The following RAB38 variants were observed in gnomAD, a reference collection of about 807,000 sequenced individuals.
RAB38 encodes the protein RAB38, member RAS oncogene family.
Under a neutral mutation model 18.4 loss-of-function variants are expected in RAB38, and 15 were observed. The observed-to-expected ratio is 0.82, with a 90% CI of 0.55 to 1.26. The LOEUF (loss-of-function observed/expected upper bound fraction) is 1.26, where lower values mean the gene tolerates loss of function less well. RAB38 is among the 50% of genes most tolerant of loss of function. The pLI is 0.00. For missense variants in RAB38, 294 were observed against 267.4 expected (o/e 1.10, Z -0.69); for synonymous variants, 101 against 104.4 (o/e 0.97, Z 0.20).
chr11:87,884,820 A>G, the RAB38 span, among the ~76,000 whole-genome samples: 3 of 151,866 alleles, frequency 2.0e-5, no homozygotes, highest in Admixed American at 6.6e-5. Flanking sequence ...CGGAATGCAG[A>G]TTTTCCTACC....
intron 2 of RAB38, among the ~76,000 whole-genome samples, chr11:88,123,336 G>A (rs550782660): frequency 1.3e-5 from 2 of 152,276 alleles, no homozygotes; most frequent in South Asian, 2.1e-4. Context: ...CAGACTAAGC[G>A]AATGACTGAC....
chr11:87,912,762 CTTTCTTTT>C, the RAB38 span, among the ~76,000 whole-genome samples: 2 of 86,566 alleles, frequency 2.3e-5, no homozygotes, highest in Non-Finnish European at 4.6e-5. Flanking sequence ...AATTTTCTTT[CTTTCTTTT>C]TTTTTTTTTT....
At chr11:88,017,937 A>G in the RAB38 span, among the ~76,000 whole-genome samples, 1 of 151,814 alleles carries the variant, frequency 6.6e-6, no homozygotes, top group Non-Finnish European at 1.5e-5. Flanking sequence ...GTCACAGTGA[A>G]TAAGTCTCAT....
At chr11:87,865,182 C>T in the RAB38 span, among the ~76,000 whole-genome samples, 1 of 151,426 alleles carries the variant, frequency 6.6e-6, no homozygotes, top group Non-Finnish European at 1.5e-5. Context: ...GAATAACATC[C>T]CCCGAAGATG....
the RAB38 span, among the ~76,000 whole-genome samples, chr11:87,858,718 C>G: frequency 3.3e-5 from 5 of 151,528 alleles, no homozygotes; most frequent in African/African-American, 1.2e-4. Flanking sequence ...ATAAAGAAAA[C>G]AGGAAATGAT....
the RAB38 span, among the ~76,000 whole-genome samples, chr11:88,089,376 C>T: frequency 0.45 from 67,480 of 150,802 alleles, 15,488 homozygotes; most frequent in South Asian, 0.53. Context: ...TCATAGGAGT[C>T]TGAGGTTTCA....
chr11:88,151,758 T>C (rs1009855046), intron 1 of RAB38, among the ~76,000 whole-genome samples: 29 of 152,236 alleles, frequency 1.9e-4, no homozygotes, highest in Non-Finnish European at 4.4e-5. Flanking sequence ...TGGTTATATT[T>C]ACATTGGTAG....
the RAB38 span, among the ~76,000 whole-genome samples, chr11:87,882,566 T>A: frequency 6.6e-6 from 1 of 151,912 alleles, no homozygotes; most frequent in Non-Finnish European, 1.5e-5. Flanking sequence ...TGCTAGACAC[T>A]GTGTTAAATA....
chr11:87,909,519 A>G, the RAB38 span, among the ~76,000 whole-genome samples: 1 of 152,054 alleles, frequency 6.6e-6, no homozygotes, highest in Non-Finnish European at 1.5e-5. Context: ...ATATATAGTT[A>G]AAGTGTATAA....
chr11:88,090,012 G>T, the RAB38 span, among the ~76,000 whole-genome samples: 1 of 151,862 alleles, frequency 6.6e-6, no homozygotes, highest in Non-Finnish European at 1.5e-5. Flanking sequence ...ACTATAAAGA[G>T]ACTCTGGAGA....
chr11:88,093,644 G>T, the RAB38 span, among the ~76,000 whole-genome samples: 375 of 151,838 alleles, frequency 2.5e-3, 2 homozygotes, highest in African/African-American at 8.9e-3. Context: ...CCACACTACA[G>T]CCAGAAAGGG....
At chr11:87,938,619 G>GTTTTTTTTTTTTTT in the RAB38 span, among the ~76,000 whole-genome samples, 1 of 99,858 alleles carries the variant, frequency 1.0e-5, no homozygotes, top group African/African-American at 4.3e-5. Context: ...GCTCTTTTCC[G>GTTTTTTTTTTTTTT]TTTTTTTTTT....
the RAB38 span, among the ~76,000 whole-genome samples, chr11:87,841,415 T>A: frequency 6.6e-6 from 1 of 152,178 alleles, no homozygotes; most frequent in Non-Finnish European, 1.5e-5. Context: ...TGACTTAGCA[T>A]GAGAATGGAC....
the RAB38 span, among the ~76,000 whole-genome samples, chr11:88,008,778 A>T: frequency 6.6e-6 from 1 of 152,164 alleles, no homozygotes; most frequent in Non-Finnish European, 1.5e-5. Context: ...GATTCACGCC[A>T]TTCTCCAGCC....
the RAB38 span, among the ~76,000 whole-genome samples, chr11:88,029,545 C>A: frequency 6.6e-6 from 1 of 151,870 alleles, no homozygotes; most frequent in South Asian, 2.1e-4. Context: ...ATCTACCAAG[C>A]AAATGGAAAA....
the RAB38 span, among the ~76,000 whole-genome samples, chr11:88,043,817 C>G: frequency 6.6e-6 from 1 of 152,182 alleles, no homozygotes. Context: ...GGCGCCATGG[C>G]TGGGATCAGG....
At chr11:87,909,318 T>C in the RAB38 span, among the ~76,000 whole-genome samples, 1 of 102,268 alleles carries the variant, frequency 9.8e-6, no homozygotes, top group East Asian at 3.6e-4. Context: ...GCCCTTCCTA[T>C]GTGCCACAGC....
At chr11:87,977,755 ATATAT>A in the RAB38 span, among the ~76,000 whole-genome samples, 14,446 of 88,846 alleles carry the variant, frequency 0.16, 1,239 homozygotes, top group Non-Finnish European at 0.19. Flanking sequence ...TATAATATAT[ATATAT>A]TATATTATAG....
At chr11:88,011,243 C>A in the RAB38 span, among the ~76,000 whole-genome samples, 11 of 152,188 alleles carry the variant, frequency 7.2e-5, no homozygotes, top group African/African-American at 2.7e-4. Context: ...CCTTTAACAA[C>A]TATTTATTGA....
Sources: gnomAD v4.1 joint callset for allele counts (sites outside exome capture counted in the v4.1 genomes callset) on GRCh38, gnomAD v4.1.1 for gene constraint, MANE v1.5 for transcripts, NCBI Gene and HGNC (gene_info 2026-07-23, HGNC 2026-07-21) for gene names.